Variants in DENND6A observed in about 807,000 individuals in gnomAD.
DENND6A encodes the protein DENN domain containing 6A.
Under a neutral mutation model 95.5 loss-of-function variants are expected in DENND6A, and 43 were observed. That is an observed-to-expected ratio of 0.45 (90% CI 0.35 to 0.58). The LOEUF is 0.58. Among genes scored for constraint, DENND6A ranks in the 20% least tolerant of loss-of-function variants. The pLI is 0.00. For missense variants in DENND6A, 574 were observed against 736.0 expected (o/e 0.78, Z 2.55); for synonymous variants, 257 against 260.4 (o/e 0.99, Z 0.13).
chr3:57,667,799 C>A (rs1330738820), intron 3 of DENND6A, among the ~76,000 whole-genome samples: 1 of 152,214 alleles, frequency 6.6e-6, no homozygotes, highest in African/African-American at 2.4e-5. Flanking sequence ...GACACAGTGG[C>A]TCACGCCCGT....
intron 1 of DENND6A, among the ~76,000 whole-genome samples, chr3:57,677,540 A>G (rs1464214906): frequency 6.6e-6 from 1 of 150,706 alleles, no homozygotes; most frequent in South Asian, 2.1e-4. Flanking sequence ...GGCTCAAGCA[A>G]TCCTCTCACC....
chr3:57,639,870 T>C (rs1035360661), intron 12 of DENND6A, among the ~76,000 whole-genome samples: 3 of 151,628 alleles, frequency 2.0e-5, no homozygotes, highest in Non-Finnish European at 4.4e-5. Context: ...TTGATTCTAA[T>C]ACTTCCATTT....
Position 57,628,128 on chromosome 3 carries a change from TGA to T in DENND6A, c.*84_*85del, listed in dbSNP as rs772430222. 15 of 1,532,930 alleles carry T rather than the reference TGA, an allele frequency of 9.8e-6. No individual in the cohort carries two copies. Among genetic ancestry groups the T allele is most frequent in the Non-Finnish European group, 1.3e-5 (15 of 1,138,900 alleles). The allele number at this position is 1,532,930 out of a possible 1,614,324, so 95.0% of individuals were successfully genotyped here. On this transcript the variant is annotated 3_prime_UTR_variant, in exon 20 of 20. Coordinates refer to ENST00000311128, the MANE Select transcript of DENND6A (RefSeq NM_152678.3). The stretch of plus-strand genomic sequence containing the variant: ...TGGCAATTTTCCACTCCGCTGCCAC[TGA>T]GAGATCTCCTTTGTGCGTCTGGTTG...
intron 1 of DENND6A, among the ~76,000 whole-genome samples, chr3:57,673,863 G>A (rs1029306614): frequency 1.3e-5 from 2 of 151,924 alleles, no homozygotes; most frequent in Admixed American, 6.6e-5. Flanking sequence ...TTCCCCTCCC[G>A]GGTTCAAGCA....
intron 9 of DENND6A, among the ~76,000 whole-genome samples, chr3:57,655,552 T>C (rs1401685937): frequency 1.3e-5 from 2 of 152,222 alleles, no homozygotes; most frequent in Non-Finnish European, 2.9e-5. Flanking sequence ...TGGAAAATTC[T>C]ACTTATGACC....
At chr3:57,630,324 TAA>T (rs2153411797) in intron 18 of DENND6A, 95 bp downstream of exon 18, 1 of 1,115,358 alleles carries the variant, frequency 9.0e-7, no homozygotes, top group Admixed American at 3.3e-5. Context: ...TTACTATTTA[TAA>T]AGAGTGGATA....
chr3:57,688,082 GC>G (rs1390729261), intron 1 of DENND6A, among the ~76,000 whole-genome samples: 1 of 151,654 alleles, frequency 6.6e-6, no homozygotes, highest in East Asian at 1.9e-4. Flanking sequence ...TGCAACCTCT[GC>G]CTCCCGGGTT....
At chr3:57,660,939 A>G in intron 6 of DENND6A, 100 bp from the exon 7 acceptor site, 1 of 1,012,924 alleles carries the variant, frequency 9.9e-7, no homozygotes, top group East Asian at 3.0e-5. Flanking sequence ...ATACAGCAGA[A>G]AAAATATACC....
intron 9 of DENND6A, among the ~76,000 whole-genome samples, chr3:57,653,552 T>C (rs2071254924): frequency 6.6e-6 from 1 of 151,898 alleles, no homozygotes; most frequent in Non-Finnish European, 1.5e-5. Flanking sequence ...GAGACCATCC[T>C]GGCTAACAAC....
intron 1 of DENND6A, chr3:57,679,601 T>A: frequency 2.0e-6 from 2 of 976,706 alleles, no homozygotes; most frequent in Non-Finnish European, 2.4e-6. Context: ...TGGTCCTAAT[T>A]AGATGTGTCC....
At chr3:57,659,259 T>C in intron 7 of DENND6A, 79 bp from the exon 8 acceptor site, 1 of 1,487,808 alleles carries the variant, frequency 6.7e-7, no homozygotes, top group Non-Finnish European at 9.4e-7. Flanking sequence ...GCTAAAAAGG[T>C]ATGGTCAGTA....
chr3:57,662,258 A>G (rs563502453), intron 5 of DENND6A, among the ~76,000 whole-genome samples: 1 of 126,772 alleles, frequency 7.9e-6, no homozygotes, highest in African/African-American at 3.0e-5. Context: ...TGGTGTGATC[A>G]TGGCTCACTG....
rs201067327 is a variant in DENND6A at position 57,645,767 on chromosome 3, G to A, written c.942-11C>T. 6.3e-7 allele frequency: 1 copy of A among 1,592,040 alleles called. No individual in the cohort carries two copies. Among genetic ancestry groups the A allele is most frequent in the South Asian group, 1.1e-5 (1 of 89,744 alleles). On this transcript the variant is annotated splice_polypyrimidine_tract_variant and intron_variant, in intron 10 of 19. Coordinates refer to ENST00000311128, the MANE Select transcript of DENND6A (RefSeq NM_152678.3). ...AATGGAGAAATACAGCTGTGGAGCAGGAAGAACATGTAAAATAAAGGACAC... is the reference window on the plus strand; with the variant it reads ...AATGGAGAAATACAGCTGTGGAGCAAGAAGAACATGTAAAATAAAGGACAC...
chr3:57,667,405 C>T (rs2071541614), intron 3 of DENND6A, among the ~76,000 whole-genome samples: 2 of 152,110 alleles, frequency 1.3e-5, no homozygotes, highest in South Asian at 4.2e-4. Context: ...GATCCTCCCA[C>T]GTCAGCCTCC....
At chr3:57,677,839 T>A (rs1213509269) in intron 1 of DENND6A, among the ~76,000 whole-genome samples, 1 of 152,180 alleles carries the variant, frequency 6.6e-6, no homozygotes, top group East Asian at 1.9e-4. Context: ...TGGCTTTGTA[T>A]CAGACTGCAT....
chr3:57,653,329 T>A, intron 9 of DENND6A, among the ~76,000 whole-genome samples: 1 of 152,218 alleles, frequency 6.6e-6, no homozygotes, highest in East Asian at 1.9e-4. Flanking sequence ...GGAAGTATAG[T>A]TACAAGATAA....
intron 1 of DENND6A, among the ~76,000 whole-genome samples, chr3:57,680,613 T>C (rs1328041778): frequency 6.6e-6 from 1 of 152,240 alleles, no homozygotes; most frequent in Non-Finnish European, 1.5e-5. Flanking sequence ...GTTTGTGGTA[T>C]TTTGTGAGAA....
intron 1 of DENND6A, among the ~76,000 whole-genome samples, chr3:57,676,375 T>TAAAAA (rs35465829): frequency 3.7e-4 from 32 of 87,362 alleles, no homozygotes; most frequent in East Asian, 1.5e-3. Context: ...TAAGATTATT[T>TAAAAA]AAAAAAAAAA....
At chr3:57,650,785 AT>A (rs55772491) in intron 9 of DENND6A, among the ~76,000 whole-genome samples, 216 of 142,990 alleles carry the variant, frequency 1.5e-3, no homozygotes, top group African/African-American at 4.6e-3. Context: ...TCCACATGGA[AT>A]TTTTTTTTTT....
Sources: allele counts gnomAD v4.1 joint callset (sites outside exome capture counted in the v4.1 genomes callset), GRCh38; gene constraint gnomAD v4.1.1; transcripts MANE v1.5; gene names NCBI Gene and HGNC (gene_info 2026-07-23, HGNC 2026-07-21).